Variants in KIAA1614 observed in about 807,000 individuals in gnomAD.
KIAA1614 encodes the protein uncharacterized protein KIAA1614.
KIAA1614 carries 76 observed loss-of-function variants against 88.7 expected under a neutral mutation model. The ratio of observed to expected loss-of-function variants is 0.86; its 90% confidence interval spans 0.71 to 1.04. The LOEUF is 1.04. Ranked by LOEUF, KIAA1614 falls within the 50% of genes least tolerant of loss-of-function variation. KIAA1614 has a pLI of 0.00. For missense variants in KIAA1614, 1,553 were observed against 1,582.5 expected (o/e 0.98, Z 0.32); for synonymous variants, 714 against 675.5 (o/e 1.06, Z -0.88).
intron 7 of KIAA1614, 25 bp from the exon 8 acceptor site, chr1:180,944,364 C>G (rs759079672): frequency 6.8e-6 from 11 of 1,608,912 alleles, no homozygotes; most frequent in Middle Eastern, 1.7e-4. Flanking sequence ...TTTTCTCACC[C>G]GCAATATTGT....
At position 180,945,714 on chromosome 1, in the gene KIAA1614, A is replaced by G. The variant is rs1654576652; in HGVS notation, c.*126A>G. 5 of 1,400,784 alleles carry G rather than the reference A, an allele frequency of 3.6e-6. No homozygotes were observed. The highest frequency in any genetic ancestry group is 4.6e-6 in the Non-Finnish European group (5 of 1,088,306). 86.8% of individuals were successfully genotyped at this position (1,400,784 alleles called of 1,614,324 possible). ...ACCTGCAGAGCCTTTGCCCTAGGCA[A>G]CTGCAGCTGAGAGTGCGTTGGTGGG... On this transcript the variant is annotated 3_prime_UTR_variant, in exon 9 of 9. Transcript: ENST00000367588.
rs2102269457 is a variant in KIAA1614, at chr1:180,935,261, G to A, written c.1352G>A (p.Arg451His). ...CGGGGCCCCTCGCCGTCGCACGTGC[G>A]CTTTGAGGATGAGTCCGCCCGCGAA... Reference protein sequence around the residue: ...PRRGPSPSHVRFEDESAREAE... With the variant: ...PRRGPSPSHVHFEDESAREAE... Residue 451 changes from arginine (R) to histidine (H), a missense_variant, in exon 5 of 9, where the codon CGC becomes CAC. Physicochemically the swap from Arg to His is conservative, Grantham distance 29. Transcript: ENST00000367588. The surrounding 1 kb of genome is among the most constrained non-coding windows in gnomAD (Gnocchi z 6.1). 1 of 1,523,208 alleles carries A rather than the reference G, an allele frequency of 6.6e-7. No individual in the cohort carries two copies. Among genetic ancestry groups the A allele is most frequent in the Non-Finnish European group, 8.8e-7 (1 of 1,138,824 alleles). The allele number at this position is 1,523,208 out of a possible 1,614,324, so 94.4% of individuals were successfully genotyped here. A position where few individuals can be genotyped will look rare whatever the true frequency, so the allele number is the denominator to read the frequency against.
At chr1:180,945,103 C>G (rs903247477) in intron 8 of KIAA1614, 200 bp from the exon 9 acceptor site, 1 of 558,674 alleles carries the variant, frequency 1.8e-6, no homozygotes, top group Non-Finnish European at 3.0e-6. Context: ...CACAGCAGGC[C>G]TTGGGGGGCC....
intron 3 of KIAA1614, among the ~76,000 whole-genome samples, chr1:180,926,476 A>G (rs1457365020): frequency 4.0e-4 from 1 of 2,508 alleles, no homozygotes; most frequent in African/African-American, 4.8e-4. Flanking sequence ...GCTGATGAGA[A>G]AAAAAAAAAA....
At chr1:180,928,334 G>A (rs950449351) in intron 3 of KIAA1614, 96 bp from the exon 4 acceptor site, 1 of 1,333,890 alleles carries the variant, frequency 7.5e-7, no homozygotes, top group Non-Finnish European at 9.9e-7. Flanking sequence ...GCTTTTTCTG[G>A]CACAGCCAGT....
At chr1:180,941,000 CT>C in intron 6 of KIAA1614, 44 bp from the exon 7 acceptor site, 2 of 1,010,170 alleles carry the variant, frequency 2.0e-6, no homozygotes, top group East Asian at 3.0e-5. Context: ...CCTGGCCACC[CT>C]CCCGGCCCTC....
intron 7 of KIAA1614, among the ~76,000 whole-genome samples, chr1:180,942,937 G>A (rs1654500179): frequency 6.6e-6 from 1 of 152,144 alleles, no homozygotes; most frequent in Admixed American, 6.5e-5. Context: ...GGAAGAATCT[G>A]TCTCCCCTGC....
intron 5 of KIAA1614, 46 bp from the exon 6 acceptor site, chr1:180,938,509 T>C (rs773042363): frequency 2.5e-6 from 4 of 1,599,554 alleles, no homozygotes; most frequent in Admixed American, 1.7e-5. Flanking sequence ...ACAGGACCTG[T>C]GGGATGAGCC....
rs1654688830 is a variant in KIAA1614 at position 180,949,744 on chromosome 1, T to C, written c.*4156T>C. On this transcript the variant is annotated 3_prime_UTR_variant, in exon 9 of 9. Transcript: ENST00000367588. ...TTCCTGGGGTTTTTTGCTCAGATGC[T>C]TCCCCATCCCAATTGAGGAGCCATA... The C allele has an allele frequency of 6.6e-6, 1 of 152,234 alleles. No individual in the cohort carries two copies. The highest frequency in any genetic ancestry group is 2.1e-4 in the South Asian group (1 of 4,824). The allele number at this position is 152,234 out of a possible 1,614,324, so 9.4% of individuals were successfully genotyped here. A position where few individuals can be genotyped will look rare whatever the true frequency, so the allele number is the denominator to read the frequency against.
chr1:180,926,212 T>C (rs367577079), intron 3 of KIAA1614, among the ~76,000 whole-genome samples: 13 of 152,240 alleles, frequency 8.5e-5, no homozygotes, highest in African/African-American at 2.4e-4. Context: ...GGCAGTGAGA[T>C]GGGACAGACT....
chr1:180,933,528 G>A (rs1654248099), intron 4 of KIAA1614, among the ~76,000 whole-genome samples: 1 of 152,224 alleles, frequency 6.6e-6, no homozygotes, highest in South Asian at 2.1e-4. Context: ...GATTGGTGGG[G>A]AGGCCACTAC....
At chr1:180,921,037 G>A (rs7515553) in intron 3 of KIAA1614, among the ~76,000 whole-genome samples, 68,980 of 152,070 alleles carry the variant, frequency 0.45, 17,037 homozygotes, top group South Asian at 0.64. Flanking sequence ...GCACGTCCGT[G>A]TGAAAAGACC....
At chr1:180,920,317 C>T (rs1015007810) in intron 3 of KIAA1614, among the ~76,000 whole-genome samples, 7 of 152,264 alleles carry the variant, frequency 4.6e-5, no homozygotes, top group South Asian at 2.1e-4. Flanking sequence ...ATGCTTCCCT[C>T]GGCTCTATGC....
chr1:180,941,331 C>A, intron 7 of KIAA1614, 46 bp downstream of exon 7: 1 of 1,558,050 alleles, frequency 6.4e-7, no homozygotes, highest in Non-Finnish European at 8.7e-7. Context: ...AGTAGCGGTG[C>A]AACCACCATC....
intron 3 of KIAA1614, among the ~76,000 whole-genome samples, chr1:180,921,938 T>C (rs1226983776): frequency 1.3e-5 from 2 of 152,190 alleles, no homozygotes; most frequent in African/African-American, 4.8e-5. Context: ...GGAACGCAGA[T>C]TGCCTTAGGA....
At position 180,928,541 on chromosome 1, in the gene KIAA1614, T is replaced by TGACA; in HGVS notation, c.1174_1177dup (p.Ile393ArgfsTer62). On this transcript the variant is annotated frameshift_variant, in exon 4 of 9. Coordinates refer to ENST00000367588, the MANE Select transcript of KIAA1614 (RefSeq NM_020950.2). LOFTEE classifies it high-confidence loss of function. Reference sequence around the variant, plus strand: ...GGACCCGGCCCCTCCGTGCCAGCCATGACATCGTGCCCACCATTACCCAGG... The same window carrying TGACA: ...GGACCCGGCCCCTCCGTGCCAGCCATGACAGACATCGTGCCCACCATTACCCAGG... 6.2e-7 allele frequency: 1 copy of TGACA among 1,612,818 alleles called. No homozygotes were observed.
intron 3 of KIAA1614, among the ~76,000 whole-genome samples, chr1:180,925,871 G>GC (rs34513051): frequency 1.2e-5 from 1 of 83,464 alleles, no homozygotes; most frequent in Non-Finnish European, 3.4e-5. Context: ...ACTCCCCCAA[G>GC]GGGGGACCTC....
At chr1:180,944,993 A>T in intron 8 of KIAA1614, 1 of 386,190 alleles carries the variant, frequency 2.6e-6, no homozygotes, top group Non-Finnish European at 4.6e-6. Context: ...AGCTCCTGGA[A>T]ATGTGACATA....
intron 3 of KIAA1614, among the ~76,000 whole-genome samples, chr1:180,925,318 G>A (rs1175219031): frequency 1.3e-5 from 2 of 152,210 alleles, no homozygotes; most frequent in African/African-American, 2.4e-5. Flanking sequence ...AGCTCTATCC[G>A]TGGTCATCAG....
Sources: allele counts gnomAD v4.1 joint callset (sites outside exome capture counted in the v4.1 genomes callset), GRCh38; gene constraint gnomAD v4.1.1; non-coding constraint Gnocchi (gnomAD v3.1); transcripts MANE v1.5; gene names NCBI Gene and HGNC (gene_info 2026-07-23, HGNC 2026-07-21).